The following RPRD1B variants were observed in gnomAD, a reference collection of about 807,000 sequenced individuals.
RPRD1B encodes regulation of nuclear pre-mRNA domain-containing protein 1B.
RPRD1B carries 11 observed loss-of-function variants against 41.5 expected under a neutral mutation model. That is an observed-to-expected ratio of 0.27 (90% confidence interval 0.17 to 0.44). The LOEUF (loss-of-function observed/expected upper bound fraction) is 0.44. Ranked by LOEUF, RPRD1B falls within the 20% of genes least tolerant of loss-of-function variation. RPRD1B has a pLI of 1.00. For synonymous variants in RPRD1B, 158 were observed against 155.6 expected (o/e 1.02, Z -0.12); for missense variants, 248 against 389.9 (o/e 0.64, Z 3.06).
At chr20:38,047,674 G>T (rs886728694) in intron 2 of RPRD1B, among the ~76,000 whole-genome samples, 8 of 151,926 alleles carry the variant, frequency 5.3e-5, no homozygotes, top group African/African-American at 1.9e-4. Context: ...TTTATATCCT[G>T]TTTCAGGAGT....
intron 6 of RPRD1B, among the ~76,000 whole-genome samples, chr20:38,082,269 C>A (rs1238954787): frequency 1.3e-5 from 2 of 152,132 alleles, no homozygotes; most frequent in Non-Finnish European, 2.9e-5. Context: ...GGTTTCAATT[C>A]CTTCCTGGTT....
intron 5 of RPRD1B, among the ~76,000 whole-genome samples, chr20:38,064,405 G>GA (rs2122733845): frequency 6.6e-6 from 1 of 152,274 alleles, no homozygotes; most frequent in East Asian, 1.9e-4. Flanking sequence ...AGGAGAATGC[G>GA]AGCTCTCACC....
intron 3 of RPRD1B, among the ~76,000 whole-genome samples, chr20:38,056,554 A>T (rs1022382686): frequency 6.6e-6 from 1 of 152,226 alleles, no homozygotes; most frequent in African/African-American, 2.4e-5. Context: ...TATCTGCAGC[A>T]GGTGCCTGGT....
chr20:38,051,602 T>C (rs1049924847), intron 3 of RPRD1B, among the ~76,000 whole-genome samples: 1 of 152,264 alleles, frequency 6.6e-6, no homozygotes, highest in African/African-American at 2.4e-5. Flanking sequence ...TATACGACTT[T>C]AAAGCTGATA....
chr20:38,054,376 C>G (rs2074219218), intron 3 of RPRD1B, among the ~76,000 whole-genome samples: 1 of 152,144 alleles, frequency 6.6e-6, no homozygotes, highest in Non-Finnish European at 1.5e-5. Flanking sequence ...ACCTATTGTG[C>G]CCTCTGCCAG....
chr20:38,051,813 G>A (rs1454136707), intron 3 of RPRD1B, among the ~76,000 whole-genome samples: 5 of 152,118 alleles, frequency 3.3e-5, no homozygotes, highest in African/African-American at 1.2e-4. Context: ...GTGCAATGGC[G>A]GGACCTCGGC....
At chr20:38,087,757 T>A (rs757431449) in intron 6 of RPRD1B, among the ~76,000 whole-genome samples, 4 of 152,190 alleles carry the variant, frequency 2.6e-5, no homozygotes, top group Admixed American at 6.5e-5. Context: ...TCCTCAAATT[T>A]GAAAATAGTT....
chr20:38,092,274 T>C lies in RPRD1B; in HGVS notation c.*2399T>C. The stretch of plus-strand genomic sequence containing the variant: ...AATTTGTATATTAATTTAGGACTAT[T>C]TAGAAGTATAGGCTGTCGTTGGCGG... On this transcript the variant is annotated 3_prime_UTR_variant, in exon 7 of 7. Transcript: ENST00000373433. 2 of 985,030 alleles carry C rather than the reference T, an allele frequency of 2.0e-6. No individual in the cohort carries two copies. The highest frequency in any genetic ancestry group is 2.4e-6 in the Non-Finnish European group (2 of 829,150). The allele number at this position is 985,030 out of a possible 1,614,324, so 61.0% of individuals were successfully genotyped here.
chr20:38,075,430 C>T (rs1364109184), intron 6 of RPRD1B, among the ~76,000 whole-genome samples: 1 of 152,198 alleles, frequency 6.6e-6, no homozygotes, highest in Admixed American at 6.5e-5. Flanking sequence ...ATAGCACATA[C>T]TTCTACTATA....
At chr20:38,061,701 C>T (rs999285689) in intron 5 of RPRD1B, among the ~76,000 whole-genome samples, 5 of 152,192 alleles carry the variant, frequency 3.3e-5, no homozygotes, top group African/African-American at 1.2e-4. Context: ...CTCTACTTCC[C>T]GTCCTCCCAG....
chr20:38,073,449 A>G (rs959477540), intron 6 of RPRD1B, among the ~76,000 whole-genome samples: 4 of 152,136 alleles, frequency 2.6e-5, no homozygotes, highest in African/African-American at 9.7e-5. Flanking sequence ...GAAGGGGGAA[A>G]TGGTTCAGAA....
chr20:38,083,592 G>T (rs1427364095), intron 6 of RPRD1B, among the ~76,000 whole-genome samples: 1 of 152,194 alleles, frequency 6.6e-6, no homozygotes, highest in Non-Finnish European at 1.5e-5. Flanking sequence ...CCCTGAAAAT[G>T]CTCTGTGGTA....
chr20:38,086,933 T>C (rs1228706206), intron 6 of RPRD1B, among the ~76,000 whole-genome samples: 1 of 152,006 alleles, frequency 6.6e-6, no homozygotes, highest in Non-Finnish European at 1.5e-5. Flanking sequence ...CAACTGTTGT[T>C]TGGTTTTTTG....
In RPRD1B at chr20:38,092,068, C is replaced by T. The variant is rs2074616038; in HGVS notation, c.*2193C>T. On this transcript the variant is annotated 3_prime_UTR_variant, in exon 7 of 7. Transcript: ENST00000373433. The stretch of plus-strand genomic sequence containing the variant: ...TTGTTTAATTTAAATGAACTTTCCT[C>T]CTTGTATGTATGAGGTGACTTGGTG... 2.2e-5 allele frequency: 22 copies of T among 985,808 alleles called. No individual in the cohort carries two copies. The highest frequency in any genetic ancestry group is 2.5e-5 in the Non-Finnish European group (21 of 829,932). 61.1% of individuals were successfully genotyped at this position (985,808 alleles called of 1,614,324 possible). A position where few individuals can be genotyped will look rare whatever the true frequency, so the allele number is the denominator to read the frequency against.
At chr20:38,072,414 A>G (rs373859740) in intron 6 of RPRD1B, among the ~76,000 whole-genome samples, 15 of 152,106 alleles carry the variant, frequency 9.9e-5, no homozygotes, top group African/African-American at 3.6e-4. Flanking sequence ...TATCTCCATC[A>G]CTGTAGTTTT....
chr20:38,079,274 A>G (rs1242877110), intron 6 of RPRD1B, among the ~76,000 whole-genome samples: 1 of 139,278 alleles, frequency 7.2e-6, no homozygotes. Context: ...TCCAACTTTT[A>G]TTTATTTTAT....
intron 3 of RPRD1B, among the ~76,000 whole-genome samples, chr20:38,049,579 A>G (rs2074161700): frequency 1.3e-5 from 2 of 151,488 alleles, no homozygotes; most frequent in African/African-American, 4.8e-5. Flanking sequence ...CATCTTGGCC[A>G]GGCTGGTCTT....
At chr20:38,064,846 C>T (rs954201714) in intron 5 of RPRD1B, among the ~76,000 whole-genome samples, 4 of 151,950 alleles carry the variant, frequency 2.6e-5, no homozygotes, top group Non-Finnish European at 4.4e-5. Flanking sequence ...ATTAGACGGG[C>T]GTGGTGGCGG....
chr20:38,088,012 G>A lies in RPRD1B; in HGVS notation c.832-1714G>A, dbSNP rs541172011. ...GTGGGAGTCATTGCTAATCATTTAC[G>A]TAAGTCATTGTTTAATTTTAGTTGT... On this transcript the variant is annotated intron_variant, in intron 6 of 6. Transcript: ENST00000373433. Among the ~76,000 whole-genome samples the A allele has an allele frequency of 1.2e-4, 19 of 152,280 alleles. No individual in the cohort carries two copies. In the South Asian group the frequency reaches 2.3e-3, roughly 18 times the overall value.
Sources: allele counts gnomAD v4.1 joint callset (sites outside exome capture counted in the v4.1 genomes callset), GRCh38; gene constraint gnomAD v4.1.1; transcripts MANE v1.5; gene names NCBI Gene and HGNC (gene_info 2026-07-23, HGNC 2026-07-21).